GLI2: variants seen among roughly 807,000 people sequenced by gnomAD.
GLI2 encodes transcription activator GLI2.
GLI2 carries 22 observed loss-of-function variants against 78.9 expected under a neutral mutation model. That is an observed-to-expected ratio of 0.28 (90% CI 0.20 to 0.40). The LOEUF (loss-of-function observed/expected upper bound fraction) is 0.40, where lower values mean the gene tolerates loss of function less well. Among genes scored for constraint, GLI2 ranks in the 10% least tolerant of loss-of-function variants. The pLI, the probability that GLI2 is intolerant of heterozygous loss-of-function variation, is 1.00. For missense variants in GLI2, 2,097 were observed against 2,213.2 expected (o/e 0.95, Z 1.05); for synonymous variants, 974 against 963.7 (o/e 1.01, Z -0.20).
chr2:120,819,441 T>C (rs1353574656), intron 2 of GLI2, among the ~76,000 whole-genome samples: 4 of 152,070 alleles, frequency 2.6e-5, no homozygotes, highest in South Asian at 4.2e-4. Context: ...GGTTTTGCCA[T>C]GTTGACCAGG....
chr2:120,960,627 G>A (rs1681507711), intron 5 of GLI2, among the ~76,000 whole-genome samples: 1 of 152,250 alleles, frequency 6.6e-6, no homozygotes, highest in African/African-American at 2.4e-5. Flanking sequence ...GGATGTTCCT[G>A]TCTCTGTCTC....
intron 2 of GLI2, among the ~76,000 whole-genome samples, chr2:120,884,527 A>G (rs1454520988): frequency 1.3e-5 from 2 of 152,182 alleles, no homozygotes; most frequent in Non-Finnish European, 2.9e-5. Flanking sequence ...TAAACCTTCC[A>G]TCAAATTTAC....
In GLI2 at chr2:120,988,900, G is replaced by C. The variant is rs1259431717; in HGVS notation, c.2935G>C (p.Gly979Arg). Residue 979 changes from glycine to arginine, a missense_variant, in exon 14 of 14, where the codon GGC (glycine) becomes CGC (arginine). Gly to Arg is a moderately radical substitution (Grantham distance 125, BLOSUM62 -2). Around this residue, in one of 5 missense-constraint regions of GLI2, gnomAD observed 1,290 missense variants for 1,261.7 expected, o/e 1.02. Transcript: ENST00000361492. ...RFHSTHNVNP[G>R]PLPPCADRRG... ...CCACAGCACCCACAACGTGAACCCC[G>C]GCCCGCTGCCGCCCTGTGCCGACAG... 4.0e-6 allele frequency: 6 copies of C among 1,508,818 alleles called. No homozygotes were observed. The highest frequency in any genetic ancestry group is 5.3e-6 in the Non-Finnish European group (6 of 1,131,470). 93.5% of individuals were successfully genotyped at this position (1,508,818 alleles called of 1,614,324 possible). A position where few individuals can be genotyped will look rare whatever the true frequency, so the allele number is the denominator to read the frequency against.
rs542869120 is a variant in GLI2 at position 120,874,496 on chromosome 2, G to A, written c.149-52865G>A. ...CCTAGCCATGCTGGCTTCTCCCTGC[G>A]TCAGCATTTGGGGAAAGACGGATGT... On this transcript the variant is annotated intron_variant, in intron 2 of 13. Coordinates refer to ENST00000361492, the MANE Select transcript of GLI2 (RefSeq NM_001374353.1). 4.0e-4 allele frequency among the ~76,000 whole-genome samples: 61 copies of A among 152,334 alleles called. 1 individual carries two copies. In the South Asian group the frequency reaches 7.7e-3, roughly 19 times the overall value.
At chr2:120,847,316 C>T (rs141224032) in intron 2 of GLI2, among the ~76,000 whole-genome samples, 12 of 151,788 alleles carry the variant, frequency 7.9e-5, no homozygotes, top group Non-Finnish European at 1.3e-4. Flanking sequence ...AGCCCAGAAG[C>T]CTGGATTATA....
intron 2 of GLI2, among the ~76,000 whole-genome samples, chr2:120,926,943 C>T (rs945373947): frequency 6.6e-6 from 1 of 152,150 alleles, no homozygotes; most frequent in Admixed American, 6.5e-5. Flanking sequence ...CTCCAGCCTG[C>T]GTGCACTGCA....
At chr2:120,910,357 T>C (rs1209498982) in intron 2 of GLI2, among the ~76,000 whole-genome samples, 2 of 152,160 alleles carry the variant, frequency 1.3e-5, no homozygotes, top group Non-Finnish European at 1.5e-5. Context: ...GGAGGGATGG[T>C]GGCAGGGAGT....
chr2:120,920,882 G>T (rs1163325208), intron 2 of GLI2, among the ~76,000 whole-genome samples: 1 of 136,834 alleles, frequency 7.3e-6, no homozygotes, highest in Non-Finnish European at 1.5e-5. Context: ...GATTAATTTT[G>T]GATTTTTTCT....
intron 2 of GLI2, among the ~76,000 whole-genome samples, chr2:120,903,888 C>G (rs190294151): frequency 6.6e-6 from 1 of 152,110 alleles, no homozygotes; most frequent in Non-Finnish European, 1.5e-5. Context: ...ATGAAGCGGG[C>G]GGGTGACTGT....
intron 3 of GLI2, among the ~76,000 whole-genome samples, chr2:120,946,966 T>C (rs535405550): frequency 6.6e-6 from 1 of 152,330 alleles, no homozygotes; most frequent in East Asian, 1.9e-4. Flanking sequence ...GGAACATGTG[T>C]GCCCCTGGAT....
chr2:120,740,213 G>C (rs1222108740), intron 1 of GLI2, among the ~76,000 whole-genome samples: 2 of 152,126 alleles, frequency 1.3e-5, no homozygotes, highest in African/African-American at 4.8e-5. Flanking sequence ...GATGATAACG[G>C]TATACTTTCT....
At chr2:120,819,520 G>A (rs535080677) in intron 2 of GLI2, among the ~76,000 whole-genome samples, 27 of 152,214 alleles carry the variant, frequency 1.8e-4, no homozygotes, top group South Asian at 1.2e-3. Context: ...GATTGCAGGC[G>A]TGAGTCACTG....
chr2:120,972,350 C>G (rs1227224709), intron 8 of GLI2, among the ~76,000 whole-genome samples: 1 of 152,238 alleles, frequency 6.6e-6, no homozygotes, highest in Non-Finnish European at 1.5e-5. Context: ...ATCTGTCTCT[C>G]TCTCGCCACA....
At chr2:120,812,942 G>A (rs1333586139) in intron 2 of GLI2, among the ~76,000 whole-genome samples, 2 of 152,166 alleles carry the variant, frequency 1.3e-5, no homozygotes, top group East Asian at 1.9e-4. Flanking sequence ...GAAGAAGGCG[G>A]GGACACCTGG....
chr2:120,859,433 G>C (rs1452028279), intron 2 of GLI2, among the ~76,000 whole-genome samples: 3 of 148,706 alleles, frequency 2.0e-5, no homozygotes, highest in African/African-American at 7.4e-5. Flanking sequence ...CCTCACAACA[G>C]CCCTACAGAT....
Position 120,797,273 on chromosome 2 carries a change from C to T in GLI2, c.-30-18C>T. ...GTTTGGGCTCAGTGTTGGTGAGTGT[C>T]TTTGTCTTCTCTTTTAGGATTGCCA... On this transcript the variant is annotated intron_variant, in intron 1 of 13. Transcript: ENST00000361492. The T allele has an allele frequency of 1.2e-6, 2 of 1,607,746 alleles. No individual in the cohort carries two copies. Among genetic ancestry groups the T allele is most frequent in the Non-Finnish European group, 1.7e-6 (2 of 1,174,660 alleles).
chr2:120,826,264 G>A (rs11898200), intron 2 of GLI2, among the ~76,000 whole-genome samples: 6,734 of 152,252 alleles, frequency 0.044, 493 homozygotes, highest in African/African-American at 0.15. Flanking sequence ...CAGTGCCCTC[G>A]TCCCAGTCTG....
At chr2:120,945,490 C>G (rs562586107) in intron 3 of GLI2, among the ~76,000 whole-genome samples, 70 of 152,296 alleles carry the variant, frequency 4.6e-4, no homozygotes, top group Non-Finnish European at 3.4e-4. Context: ...GCACTTATGG[C>G]TGGGGTCTGC....
chr2:120,868,814 G>T (rs369586072), intron 2 of GLI2, among the ~76,000 whole-genome samples: 5 of 152,312 alleles, frequency 3.3e-5, no homozygotes, highest in East Asian at 3.9e-4. Context: ...ATTTTGTGGG[G>T]AGACTTTCCA....
Sources: allele counts gnomAD v4.1 joint callset (sites outside exome capture counted in the v4.1 genomes callset), GRCh38; gene constraint gnomAD v4.1.1; regional missense constraint gnomAD v4.1.1; transcripts MANE v1.5; gene names NCBI Gene and HGNC (gene_info 2026-07-23, HGNC 2026-07-21).